ARGLU1: variants seen among roughly 807,000 people sequenced by gnomAD.
The protein encoded by ARGLU1 is arginine and glutamate rich 1.
In ARGLU1, 9 loss-of-function variants were observed where a neutral mutation model predicts 37.6. The ratio of observed to expected loss-of-function variants is 0.24; its 90% CI spans 0.14 to 0.42. The LOEUF (loss-of-function observed/expected upper bound fraction) is 0.42, where lower values mean the gene tolerates loss of function less well. Ranked by LOEUF, ARGLU1 falls within the 10% of genes least tolerant of loss-of-function variation. ARGLU1 has a pLI of 1.00. For synonymous variants in ARGLU1, 166 were observed against 138.5 expected, an observed-to-expected ratio of 1.20 and a Z score of -1.39; for missense variants, 211 against 359.2, an observed-to-expected ratio of 0.59 and a Z score of 3.34.
chr13:106,565,496 G>A (rs919248596), intron 1 of ARGLU1, among the ~76,000 whole-genome samples: 7 of 152,186 alleles, frequency 4.6e-5, no homozygotes, highest in African/African-American at 1.7e-4. Flanking sequence ...CTTTGAGCTA[G>A]ATCAAGCTCT....
chr13:106,545,327 G>C (rs958547480), intron 3 of ARGLU1, among the ~76,000 whole-genome samples: 1 of 152,008 alleles, frequency 6.6e-6, no homozygotes, highest in Admixed American at 6.6e-5. Flanking sequence ...TAAAACATTC[G>C]CTGCATCCTT....
Position 106,543,056 on chromosome 13 carries a change from G to C in ARGLU1, c.*940C>G, listed in dbSNP as rs1333561213. 5 of 151,910 alleles carry C rather than the reference G, an allele frequency of 3.3e-5. No individual in the cohort carries two copies. Among genetic ancestry groups the C allele is most frequent in the African/African-American group, 1.2e-4 (5 of 41,368 alleles). The allele number at this position is 151,910 out of a possible 1,614,324, so 9.4% of individuals were successfully genotyped here. On this transcript the variant is annotated 3_prime_UTR_variant, in exon 4 of 4. Transcript: ENST00000400198. ...ATAATACTTATATCCTAAAACAGAG[G>C]CACAGGTTTGAGAATTTAAATCTTC...
At chr13:106,562,748 T>G (rs1177035794) in intron 1 of ARGLU1, among the ~76,000 whole-genome samples, 2 of 152,016 alleles carry the variant, frequency 1.3e-5, no homozygotes, top group South Asian at 2.1e-4. Context: ...TCCCAGCACT[T>G]TGGGAGGCCC....
chr13:106,563,390 A>G (rs931720389), intron 1 of ARGLU1, among the ~76,000 whole-genome samples: 1 of 152,196 alleles, frequency 6.6e-6, no homozygotes, highest in Non-Finnish European at 1.5e-5. Context: ...CTCTGAACCT[A>G]AGTAGATGCC....
chr13:106,548,688 A>G (rs1167767386), intron 3 of ARGLU1, among the ~76,000 whole-genome samples: 1 of 152,188 alleles, frequency 6.6e-6, no homozygotes, highest in Non-Finnish European at 1.5e-5. Flanking sequence ...CACACACAAA[A>G]AAATGTTCCA....
intron 1 of ARGLU1, among the ~76,000 whole-genome samples, chr13:106,566,375 A>T (rs1194174841): frequency 6.6e-6 from 1 of 152,216 alleles, no homozygotes; most frequent in Non-Finnish European, 1.5e-5. Context: ...AGAAAACTAC[A>T]AACCACGCAG....
At chr13:106,553,192 A>T (rs1880577335) in intron 3 of ARGLU1, among the ~76,000 whole-genome samples, 1 of 152,186 alleles carries the variant, frequency 6.6e-6, no homozygotes, top group South Asian at 2.1e-4. Flanking sequence ...AAGGATAACT[A>T]TTTTTAGCAT....
At position 106,557,695 on chromosome 13, in the gene ARGLU1, G is replaced by A. The variant is rs997593946; in HGVS notation, c.574-564C>T. On this transcript the variant is annotated intron_variant, in intron 2 of 3. Transcript: ENST00000400198. The surrounding 1 kb of genome is among the most constrained non-coding windows in gnomAD (Gnocchi z 5.0). The stretch of plus-strand genomic sequence containing the variant: ...CATTTATAAAGAAACAACATACAAG[G>A]AAGGCTGAGCTGAGGAATGCAGATG... 6.5e-7 allele frequency: 1 copy of A among 1,533,136 alleles called. No homozygotes were observed. The highest frequency in any genetic ancestry group is 1.4e-5 in the African/African-American group (1 of 72,984). 95.0% of individuals were successfully genotyped at this position (1,533,136 alleles called of 1,614,324 possible). A position where few individuals can be genotyped will look rare whatever the true frequency, so the allele number is the denominator to read the frequency against.
rs771016705 is a variant in ARGLU1 at position 106,567,687 on chromosome 13, G to T, written c.233C>A (p.Pro78Gln). The T allele has an allele frequency of 1.9e-6, 3 of 1,613,194 alleles. No homozygotes were observed. Among genetic ancestry groups the T allele is most frequent in the Non-Finnish European group, 2.5e-6 (3 of 1,179,558 alleles). Residue 78 changes from proline (P) to glutamine (Q), a missense_variant, in exon 1 of 4, where the codon CCG (proline) becomes CAG (glutamine). By Grantham distance (76) the Pro-to-Gln change is moderately conservative (BLOSUM62 -1). This residue lies in a region of ARGLU1 where 130 missense variants were observed against 179.8 expected (regional missense o/e 0.72). Coordinates refer to ENST00000400198, the MANE Select transcript of ARGLU1 (RefSeq NM_018011.4). This position sits in a 1 kb window ranked among gnomAD's most constrained non-coding sequence, Gnocchi z 4.3. ...CCCGAAGATGTCGATGCGGTCGGGC[G>T]GGGACGAGGCGCGCTCCCGGTCCCG... ...RERDRERASSPPDRIDIFGRT... is the reference protein window; with the variant it reads ...RERDRERASSQPDRIDIFGRT...
chr13:106,545,531 C>G (rs1880366696), intron 3 of ARGLU1, among the ~76,000 whole-genome samples: 1 of 152,124 alleles, frequency 6.6e-6, no homozygotes, highest in Non-Finnish European at 1.5e-5. Context: ...TCTAATGCCA[C>G]ACACTAATTA....
chr13:106,556,458 C>A (rs769400762), intron 3 of ARGLU1, among the ~76,000 whole-genome samples: 24 of 152,166 alleles, frequency 1.6e-4, no homozygotes, highest in Non-Finnish European at 3.5e-4. Flanking sequence ...CCACTGTTAA[C>A]TACTCAGACC....
intron 2 of ARGLU1, chr13:106,558,307 C>A: frequency 1.0e-6 from 1 of 984,764 alleles, no homozygotes; most frequent in Non-Finnish European, 1.2e-6. Flanking sequence ...TAAATATAAG[C>A]ATGTATATCT....
At position 106,551,120 on chromosome 13, in the gene ARGLU1, CT is replaced by C. The variant is rs552029606; in HGVS notation, c.657+5927del. On this transcript the variant is annotated intron_variant, in intron 3 of 3. Coordinates refer to ENST00000400198, the MANE Select transcript of ARGLU1 (RefSeq NM_018011.4). Reference sequence around the variant, plus strand: ...AACAAAAGGCTGTCTAGCAATACCCCTGGCCTTCTTTCCAGAGACAGTTTTT... The same window carrying C: ...AACAAAAGGCTGTCTAGCAATACCCCGGCCTTCTTTCCAGAGACAGTTTTT... Among the ~76,000 whole-genome samples, 411 of 152,342 alleles carry C rather than the reference CT, an allele frequency of 2.7e-3. 1 individual carries two copies. The highest frequency in any genetic ancestry group is 3.7e-3 in the South Asian group (18 of 4,832).
At chr13:106,544,982 C>G (rs1399676681) in intron 3 of ARGLU1, among the ~76,000 whole-genome samples, 2 of 152,154 alleles carry the variant, frequency 1.3e-5, no homozygotes, top group African/African-American at 4.8e-5. Flanking sequence ...CACAGATTTC[C>G]CCCTCTTTAC....
In ARGLU1 at chr13:106,557,738, C is replaced by A; in HGVS notation, c.574-607G>T. ...TGCAGATGTTTATGGTAAGAAGGAA[C>A]AAAAAATGTAATTCATCATTCCTAA... On this transcript the variant is annotated intron_variant, in intron 2 of 3. Transcript: ENST00000400198. This position sits in a 1 kb window ranked among gnomAD's most constrained non-coding sequence, Gnocchi z 5.0. 2 of 1,344,308 alleles carry A rather than the reference C, an allele frequency of 1.5e-6. No homozygotes were observed. The highest frequency in any genetic ancestry group is 3.1e-5 in the Admixed American group (1 of 32,278). 83.3% of individuals were successfully genotyped at this position (1,344,308 alleles called of 1,614,324 possible).
intron 2 of ARGLU1, chr13:106,559,027 A>G (rs953881981): frequency 1.0e-6 from 1 of 985,352 alleles, no homozygotes; most frequent in Admixed American, 6.1e-5. Context: ...TGAAGGCAAA[A>G]GCCTCTCACA....
Position 106,543,446 on chromosome 13 carries a change from T to C in ARGLU1, c.*550A>G, listed in dbSNP as rs1259155311. On this transcript the variant is annotated 3_prime_UTR_variant, in exon 4 of 4. Transcript: ENST00000400198. ...CAGAGACAATACTGAACTGTATATA[T>C]ACTTTGTATCAGAGTTGACCAACTG... The C allele has an allele frequency of 6.5e-6, 1 of 152,682 alleles. No homozygotes were observed. Among genetic ancestry groups the C allele is most frequent in the Admixed American group, 6.5e-5 (1 of 15,276 alleles). 9.5% of individuals were successfully genotyped at this position (152,682 alleles called of 1,614,324 possible).
Position 106,568,088 on chromosome 13 carries a change from G to A in ARGLU1, c.-169C>T, listed in dbSNP as rs1322459807. On this transcript the variant is annotated 5_prime_UTR_variant, in exon 1 of 4. Transcript: ENST00000400198. Reference sequence around the variant, plus strand: ...GGCGTCTACAGCTGCCACGAAGGCCGCCTCCAACGAGAAACCCGTAGCGCC... The same window carrying A: ...GGCGTCTACAGCTGCCACGAAGGCCACCTCCAACGAGAAACCCGTAGCGCC... 6 of 1,072,404 alleles carry A rather than the reference G, an allele frequency of 5.6e-6. No individual in the cohort carries two copies. The Admixed American group carries it at 1.1e-4, about 20-fold the overall frequency. The allele number at this position is 1,072,404 out of a possible 1,614,324, so 66.4% of individuals were successfully genotyped here. A position where few individuals can be genotyped will look rare whatever the true frequency, so the allele number is the denominator to read the frequency against.
At chr13:106,556,946 C>T (rs1880674914) in intron 3 of ARGLU1, 102 bp downstream of exon 3, 1 of 1,006,000 alleles carries the variant, frequency 9.9e-7, no homozygotes, top group Admixed American at 1.9e-5. Context: ...AGAATCCCCC[C>T]AAAATAAGTC....
Sources: gnomAD v4.1 joint callset for allele counts (sites outside exome capture counted in the v4.1 genomes callset) on GRCh38, gnomAD v4.1.1 for gene constraint, gnomAD v4.1.1 regional missense constraint, Gnocchi (gnomAD v3.1) non-coding constraint, MANE v1.5 for transcripts, NCBI Gene and HGNC (gene_info 2026-07-23, HGNC 2026-07-21) for gene names.